Variants in FCHSD2 observed in about 807,000 individuals in gnomAD.
The protein encoded by FCHSD2 is F-BAR and double SH3 domains protein 2.
A neutral mutation model predicts 108.1 loss-of-function variants in FCHSD2; 38 were observed. The ratio of observed to expected loss-of-function variants is 0.35; its 90% CI spans 0.27 to 0.46. FCHSD2 has a LOEUF of 0.46. Among genes scored for constraint, FCHSD2 ranks in the 20% least tolerant of loss-of-function variants. FCHSD2 has a pLI of 1.00. For synonymous variants in FCHSD2, 279 were observed against 314.7 expected (o/e 0.89, Z 1.20); for missense variants, 751 against 897.8 (o/e 0.84, Z 2.09).
chr11:73,035,534 T>C (rs957809653), intron 3 of FCHSD2, among the ~76,000 whole-genome samples: 4 of 152,120 alleles, frequency 2.6e-5, no homozygotes, highest in African/African-American at 7.2e-5. Context: ...ACCTACTTCA[T>C]TGTTGCTAAG....
At chr11:72,899,374 A>G (rs765563489) in intron 10 of FCHSD2, among the ~76,000 whole-genome samples, 11 of 152,202 alleles carry the variant, frequency 7.2e-5, no homozygotes, top group Non-Finnish European at 1.5e-4. Flanking sequence ...ATGAGTGGCT[A>G]ATACACTCAT....
At position 73,031,988 on chromosome 11, in the gene FCHSD2, G is replaced by A. The variant is rs117707243; in HGVS notation, c.166-16103C>T. ...TTAAAAAATTAATATCCACCAAGAG[G>A]AACTATTAACTAAATTATGGTCATC... On this transcript the variant is annotated intron_variant, in intron 3 of 19. Coordinates refer to ENST00000409418, the MANE Select transcript of FCHSD2 (RefSeq NM_014824.3). Among the ~76,000 whole-genome samples, 435 of 151,882 alleles carry A rather than the reference G, an allele frequency of 2.9e-3. 16 individuals are homozygous for A. In the East Asian group the frequency reaches 0.074, roughly 26 times the overall value.
At chr11:73,066,704 CATTT>C (rs1859301956) in intron 3 of FCHSD2, among the ~76,000 whole-genome samples, 1 of 151,776 alleles carries the variant, frequency 6.6e-6, no homozygotes, top group Admixed American at 6.6e-5. Context: ...CAAAAGAAGA[CATTT>C]ATGTAGCCAA....
At chr11:72,982,695 T>G (rs762322004) in intron 8 of FCHSD2, among the ~76,000 whole-genome samples, 13 of 152,212 alleles carry the variant, frequency 8.5e-5, no homozygotes, top group Non-Finnish European at 1.3e-4. Context: ...TGTAATCTAA[T>G]CTATCTGCAT....
chr11:73,045,765 T>C (rs2135468972), intron 3 of FCHSD2, among the ~76,000 whole-genome samples: 1 of 151,598 alleles, frequency 6.6e-6, no homozygotes, highest in Non-Finnish European at 1.5e-5. Context: ...CTGGGGACTG[T>C]TGTGGGGTGG....
chr11:72,861,028 C>T (rs1348546178), intron 13 of FCHSD2, among the ~76,000 whole-genome samples: 1 of 151,540 alleles, frequency 6.6e-6, no homozygotes, highest in Non-Finnish European at 1.5e-5. Context: ...CCAAATTGAA[C>T]AGAAGAAAAG....
intron 2 of FCHSD2, among the ~76,000 whole-genome samples, chr11:73,113,566 G>A (rs962468405): frequency 2.0e-5 from 3 of 151,778 alleles, no homozygotes; most frequent in Non-Finnish European, 4.4e-5. Flanking sequence ...ACGGGGTTTC[G>A]CCATGTTGCC....
intron 4 of FCHSD2, among the ~76,000 whole-genome samples, chr11:73,012,574 A>T (rs1407700681): frequency 6.6e-6 from 1 of 152,240 alleles, no homozygotes; most frequent in African/African-American, 2.4e-5. Context: ...AAACTAAAAT[A>T]AGCTCCAAAT....
chr11:72,999,259 A>G (rs955010123), intron 5 of FCHSD2, among the ~76,000 whole-genome samples: 3 of 152,070 alleles, frequency 2.0e-5, no homozygotes, highest in Non-Finnish European at 4.4e-5. Context: ...CATCAGCAAT[A>G]ATATAAAACA....
At chr11:73,041,987 C>T (rs1379511489) in intron 3 of FCHSD2, among the ~76,000 whole-genome samples, 2 of 152,078 alleles carry the variant, frequency 1.3e-5, no homozygotes, top group Non-Finnish European at 2.9e-5. Flanking sequence ...AGTGCAGTGG[C>T]GCGATCTCAG....
chr11:73,005,902 CTTTTT>C (rs56872243), intron 4 of FCHSD2, among the ~76,000 whole-genome samples: 1 of 125,666 alleles, frequency 8.0e-6, no homozygotes. Flanking sequence ...TATTCCTAAA[CTTTTT>C]TTTTTTTTTT....
chr11:72,900,374 T>C lies in FCHSD2; in HGVS notation c.924+2169A>G, dbSNP rs955162794. The C allele has an allele frequency of 3.6e-6, 5 of 1,381,566 alleles. No individual in the cohort carries two copies. The African/African-American group carries it at 4.3e-5, about 12-fold the overall frequency. The allele number at this position is 1,381,566 out of a possible 1,614,324, so 85.6% of individuals were successfully genotyped here. ...AAGGACAAAAAACATAGCATAGAGT[T>C]AGAAATTTAAGGCAAACAAGGACAC... On this transcript the variant is annotated intron_variant, in intron 10 of 19. Transcript: ENST00000409418.
chr11:73,079,795 A>T (rs1320381824), intron 3 of FCHSD2, among the ~76,000 whole-genome samples: 1 of 152,152 alleles, frequency 6.6e-6, no homozygotes, highest in African/African-American at 2.4e-5. Context: ...GGCAAATGTG[A>T]TAAGTAACAG....
At chr11:72,900,223 C>CCACCCA in intron 10 of FCHSD2, 2 of 951,016 alleles carry the variant, frequency 2.1e-6, no homozygotes, top group Non-Finnish European at 3.3e-6. Context: ...CCACACTTCC[C>CCACCCA]ATCCCTCCCG....
Position 72,843,307 on chromosome 11 carries a change from C to T in FCHSD2, c.1549G>A (p.Val517Met). Reference protein sequence around the residue: ...WVKARNKVGQVGYVPEKYLQF... With the variant: ...WVKARNKVGQMGYVPEKYLQF... ...AGGTACTTTTCTGGCACATAACCCA[C>T]TTGGCCAACTTTATTTCGAGCCTGG... is the stretch of plus-strand genomic sequence containing the variant. Residue 517 changes from valine (V) to methionine (M), a missense_variant, in exon 16 of 20, where the codon GTG becomes ATG. Transcript: ENST00000409418. 1 of 1,613,850 alleles carries T rather than the reference C, an allele frequency of 6.2e-7. No individual in the cohort carries two copies. Among genetic ancestry groups the T allele is most frequent in the Non-Finnish European group, 8.5e-7 (1 of 1,179,752 alleles).
At chr11:73,064,451 G>C (rs1172512237) in intron 3 of FCHSD2, among the ~76,000 whole-genome samples, 2 of 151,834 alleles carry the variant, frequency 1.3e-5, no homozygotes, top group African/African-American at 4.8e-5. Flanking sequence ...CAGAACTGAA[G>C]GAGATAGAAA....
At chr11:72,965,392 A>C (rs1465668711) in intron 8 of FCHSD2, among the ~76,000 whole-genome samples, 2 of 152,238 alleles carry the variant, frequency 1.3e-5, no homozygotes, top group Non-Finnish European at 2.9e-5. Context: ...GTAGGAAACA[A>C]TACACAGTTC....
intron 14 of FCHSD2, among the ~76,000 whole-genome samples, chr11:72,848,983 A>G (rs1214714601): frequency 6.6e-6 from 1 of 152,240 alleles, no homozygotes; most frequent in East Asian, 1.9e-4. Context: ...TATGAATTTA[A>G]ATATAAAATG....
chr11:73,013,533 A>G (rs767689869), intron 4 of FCHSD2, among the ~76,000 whole-genome samples: 2 of 152,202 alleles, frequency 1.3e-5, no homozygotes, highest in Non-Finnish European at 2.9e-5. Context: ...TATCCTATGA[A>G]TAAGAAAGAA....
Sources: gnomAD v4.1 joint callset for allele counts (sites outside exome capture counted in the v4.1 genomes callset) on GRCh38, gnomAD v4.1.1 for gene constraint, MANE v1.5 for transcripts, NCBI Gene and HGNC (gene_info 2026-07-23, HGNC 2026-07-21) for gene names.